Variants in FREM3 observed in about 807,000 individuals in gnomAD.
FREM3 encodes FRAS1-related extracellular matrix protein 3.
Under a neutral mutation model 129.1 loss-of-function variants are expected in FREM3, and 105 were observed. The ratio of observed to expected loss-of-function variants is 0.81; its 90% CI spans 0.69 to 0.96. FREM3 has a LOEUF of 0.96. Ranked by LOEUF, FREM3 falls within the 40% of genes least tolerant of loss-of-function variation. The pLI is 0.00. For synonymous variants in FREM3, 1,014 were observed against 1,044.9 expected (o/e 0.97, Z 0.57); for missense variants, 2,593 against 2,666.3 (o/e 0.97, Z 0.61).
At chr4:143,615,898 A>C (rs920992065) in intron 5 of FREM3, among the ~76,000 whole-genome samples, 2 of 152,132 alleles carry the variant, frequency 1.3e-5, no homozygotes, top group African/African-American at 4.8e-5. Context: ...GGCCTTGGGC[A>C]AGGGCACCTC....
chr4:143,638,068 A>G (rs1739263306), intron 2 of FREM3, among the ~76,000 whole-genome samples: 2 of 152,156 alleles, frequency 1.3e-5, no homozygotes, highest in African/African-American at 4.8e-5. Flanking sequence ...ATGTCATGCT[A>G]TGTATAACAA....
chr4:143,627,586 T>C (rs747720384), intron 3 of FREM3, 28 bp downstream of exon 3: 2 of 1,521,914 alleles, frequency 1.3e-6, no homozygotes, highest in South Asian at 2.4e-5. Flanking sequence ...CATGACCTTT[T>C]ACCAACAACC....
chr4:143,579,827 T>C (rs952283599), intron 7 of FREM3, among the ~76,000 whole-genome samples: 2 of 152,226 alleles, frequency 1.3e-5, no homozygotes, highest in African/African-American at 4.8e-5. Flanking sequence ...CTAGGTTCAA[T>C]AGATTATCAA....
intron 5 of FREM3, among the ~76,000 whole-genome samples, chr4:143,618,429 A>G (rs1291089024): frequency 5.9e-5 from 9 of 151,974 alleles, no homozygotes; most frequent in Admixed American, 5.9e-4. Context: ...AAAAAATAGG[A>G]TACAACAGGG....
At chr4:143,617,601 TTAAC>T (rs1406429991) in intron 5 of FREM3, among the ~76,000 whole-genome samples, 1 of 152,230 alleles carries the variant, frequency 6.6e-6, no homozygotes, top group Non-Finnish European at 1.5e-5. Flanking sequence ...TGCCTATTCT[TTAAC>T]TAAGATTTCC....
intron 2 of FREM3, among the ~76,000 whole-genome samples, chr4:143,644,776 A>G (rs1472107170): frequency 6.6e-6 from 1 of 152,216 alleles, no homozygotes; most frequent in Non-Finnish European, 1.5e-5. Flanking sequence ...CAAGCTATAC[A>G]ACAAAAATAT....
intron 6 of FREM3, among the ~76,000 whole-genome samples, chr4:143,610,468 C>T (rs1738737520): frequency 6.6e-6 from 1 of 152,120 alleles, no homozygotes; most frequent in African/African-American, 2.4e-5. Flanking sequence ...CTTTGTGGTG[C>T]ATCCATAAAG....
At chr4:143,609,243 C>T (rs967477748) in intron 6 of FREM3, among the ~76,000 whole-genome samples, 1 of 152,110 alleles carries the variant, frequency 6.6e-6, no homozygotes, top group African/African-American at 2.4e-5. Flanking sequence ...TTTTCTCTCC[C>T]ATTTCTTTCG....
chr4:143,657,051 T>G (rs543715633), intron 2 of FREM3, among the ~76,000 whole-genome samples: 18 of 152,326 alleles, frequency 1.2e-4, no homozygotes, highest in African/African-American at 4.3e-4. Flanking sequence ...AAAGCATTGT[T>G]TATGCATTCA....
intron 2 of FREM3, among the ~76,000 whole-genome samples, chr4:143,639,420 C>T (rs1444189483): frequency 6.6e-6 from 1 of 152,136 alleles, no homozygotes; most frequent in African/African-American, 2.4e-5. Flanking sequence ...GAATCACTTA[C>T]TTCGCAGGGC....
chr4:143,581,541 G>A (rs1468049938), intron 7 of FREM3, among the ~76,000 whole-genome samples: 5 of 151,800 alleles, frequency 3.3e-5, no homozygotes, highest in African/African-American at 1.2e-4. Flanking sequence ...TGTCTTCCTG[G>A]GCTGGAGCTC....
chr4:143,652,723 G>A (rs998009805), intron 2 of FREM3, among the ~76,000 whole-genome samples: 3 of 152,116 alleles, frequency 2.0e-5, no homozygotes, highest in African/African-American at 7.2e-5. Context: ...TCCACCTCTT[G>A]GGCTTAAACC....
At chr4:143,650,872 G>A (rs1487672281) in intron 2 of FREM3, among the ~76,000 whole-genome samples, 4 of 152,266 alleles carry the variant, frequency 2.6e-5, no homozygotes, top group Non-Finnish European at 5.9e-5. Context: ...TCCTTAATTA[G>A]CATAATCACA....
intron 2 of FREM3, among the ~76,000 whole-genome samples, chr4:143,634,992 A>G (rs1163175662): frequency 5.9e-5 from 9 of 152,258 alleles, no homozygotes; most frequent in African/African-American, 2.2e-4. Context: ...CAGATGATGC[A>G]TTAACAATTG....
At chr4:143,592,626 G>C (rs13146056) in intron 6 of FREM3, among the ~76,000 whole-genome samples, 20,291 of 152,228 alleles carry the variant, frequency 0.13, 1,405 homozygotes, top group South Asian at 0.21. Context: ...AGTCTGATGG[G>C]CTTCCCTTTG....
chr4:143,676,947 C>T (rs573071060), intron 2 of FREM3, among the ~76,000 whole-genome samples: 2 of 152,064 alleles, frequency 1.3e-5, no homozygotes, highest in Admixed American at 6.6e-5. Context: ...GAATTAATAT[C>T]GTGAAAATGG....
At chr4:143,586,106 C>T (rs1738240178) in intron 6 of FREM3, 113 bp from the exon 7 acceptor site, 2 of 1,039,454 alleles carry the variant, frequency 1.9e-6, no homozygotes, top group Admixed American at 2.8e-5. Flanking sequence ...ATGACAGATC[C>T]CATAGGTCTT....
chr4:143,611,169 T>G, intron 6 of FREM3, 110 bp downstream of exon 6: 3 of 1,224,330 alleles, frequency 2.5e-6, no homozygotes, highest in Non-Finnish European at 3.3e-6. Context: ...TAAAAGAACA[T>G]CAAATATTCT....
At chr4:143,682,835 T>A (rs1234629060) in intron 2 of FREM3, among the ~76,000 whole-genome samples, 2 of 152,204 alleles carry the variant, frequency 1.3e-5, no homozygotes, top group Non-Finnish European at 2.9e-5. Context: ...CCAAAAGACA[T>A]CCACATCTTC....
Sources: allele counts gnomAD v4.1 joint callset (sites outside exome capture counted in the v4.1 genomes callset), GRCh38; gene constraint gnomAD v4.1.1; transcripts MANE v1.5; gene names NCBI Gene and HGNC (gene_info 2026-07-23, HGNC 2026-07-21).